Variants in CCNJL observed in about 807,000 individuals in gnomAD.
CCNJL encodes the protein cyclin J like, also known as cyclin-J-like protein.
CCNJL carries 33 observed loss-of-function variants against 33.4 expected under a neutral mutation model. The ratio of observed to expected loss-of-function variants is 0.99; its 90% CI spans 0.75 to 1.32. The LOEUF (loss-of-function observed/expected upper bound fraction) is 1.32. Ranked by LOEUF, CCNJL falls within the 40% of genes most tolerant of loss-of-function variation. The pLI, the probability that CCNJL is intolerant of heterozygous loss-of-function variation, is 0.00. For synonymous variants in CCNJL, 227 were observed against 220.9 expected (o/e 1.03, Z -0.24); for missense variants, 512 against 499.7 (o/e 1.02, Z -0.23).
At chr5:160,327,872 A>G (rs1250883175) in intron 1 of CCNJL, among the ~76,000 whole-genome samples, 2 of 151,340 alleles carry the variant, frequency 1.3e-5, no homozygotes, top group East Asian at 1.9e-4. Context: ...CAAATTGTAA[A>G]CAAACAAAAA....
chr5:160,259,562 G>A lies in CCNJL; in HGVS notation c.490C>T (p.His164Tyr), dbSNP rs769172205. The change falls in exon 4 of 6, where the codon CAC becomes TAC. Residue 164 changes from histidine (H) to tyrosine (Y), a missense_variant. Coordinates refer to ENST00000257536, the MANE Select transcript of CCNJL (RefSeq NM_001308173.3). ...GTGGTGGGCCAGGTGTGGCAGTGGT[G>A]GTCCTTCTGGCTGACGGAGGCCAAG... ...YLLASVSQKD[H>Y]HCHTWPTTCP... 5 of 1,614,140 alleles carry A rather than the reference G, an allele frequency of 3.1e-6. No homozygotes were observed. Among genetic ancestry groups the A allele is most frequent in the African/African-American group, 2.7e-5 (2 of 75,052 alleles).
rs1760822499 is a variant in CCNJL, at chr5:160,251,929, G to A, written c.*1449C>T. On this transcript the variant is annotated 3_prime_UTR_variant, in exon 6 of 6. Coordinates refer to ENST00000257536, the MANE Select transcript of CCNJL (RefSeq NM_001308173.3). ...TGTCTCCATGCTGAGATTTTCAGCT[G>A]CTCTGGAAAGATTCACCACCTTCCG... The A allele has an allele frequency of 6.6e-6, 1 of 152,234 alleles. No homozygotes were observed. The highest frequency in any genetic ancestry group is 2.4e-5 in the African/African-American group (1 of 41,442). The allele number at this position is 152,234 out of a possible 1,614,324, so 9.4% of individuals were successfully genotyped here.
chr5:160,297,654 C>CAAAAAA (rs59634260), intron 2 of CCNJL, among the ~76,000 whole-genome samples: 3 of 107,610 alleles, frequency 2.8e-5, no homozygotes, highest in Non-Finnish European at 4.0e-5. Flanking sequence ...TCTCTATTTA[C>CAAAAAA]AAAAAAAAAA....
At chr5:160,257,031 TCAGGGTGCTAA>T (rs200065121) in intron 4 of CCNJL, among the ~76,000 whole-genome samples, 2,212 of 152,146 alleles carry the variant, frequency 0.015, 45 homozygotes, top group African/African-American at 0.05. Flanking sequence ...AAAGTATCAG[TCAGGGTGCTAA>T]CAGGGTGATA....
intron 1 of CCNJL, among the ~76,000 whole-genome samples, chr5:160,319,957 C>T (rs987356032): frequency 6.0e-5 from 9 of 150,542 alleles, no homozygotes; most frequent in Middle Eastern, 3.4e-3. Flanking sequence ...AATAAATAAA[C>T]GATGGATAAC....
chr5:160,286,953 T>G (rs1230162254), intron 2 of CCNJL, among the ~76,000 whole-genome samples: 1 of 152,182 alleles, frequency 6.6e-6, no homozygotes, highest in Non-Finnish European at 1.5e-5. Context: ...CTGGCACAGA[T>G]GCAGACATTC....
chr5:160,261,479 C>T (rs1175255376), intron 3 of CCNJL: 1 of 152,296 alleles, frequency 6.6e-6, no homozygotes, highest in Non-Finnish European at 1.5e-5. Flanking sequence ...GAAGTACACA[C>T]TTTCTTGTCT....
rs370581301 is a variant in CCNJL, at chr5:160,311,506, T to G, written c.66+352A>C. 3.3e-5 allele frequency among the ~76,000 whole-genome samples: 5 copies of G among 152,228 alleles called. No individual in the cohort carries two copies. In the East Asian group the frequency reaches 7.7e-4, roughly 24 times the overall value. On this transcript the variant is annotated intron_variant, in intron 2 of 5. Transcript: ENST00000257536. Reference sequence around the variant, plus strand: ...TACATACACATTCTTAAATTACACATTAGAATGAATACACAATATTTTTTA... The same window carrying G: ...TACATACACATTCTTAAATTACACAGTAGAATGAATACACAATATTTTTTA...
chr5:160,268,495 C>A (rs962191831), intron 3 of CCNJL, among the ~76,000 whole-genome samples: 2 of 152,206 alleles, frequency 1.3e-5, no homozygotes, highest in African/African-American at 2.4e-5. Context: ...CAATTCAGAG[C>A]CAGCCCTGTA....
At chr5:160,314,409 T>TG (rs1472867885), upstream of CCNJL, among the ~76,000 whole-genome samples, 1 of 152,136 alleles carries the variant, frequency 6.6e-6, no homozygotes, top group East Asian at 1.9e-4. Context: ...TAAATTAGGT[T>TG]GGGGGAAAAA....
intron 1 of CCNJL, among the ~76,000 whole-genome samples, chr5:160,318,477 C>T (rs1257673557): frequency 6.6e-6 from 1 of 152,222 alleles, no homozygotes; most frequent in Non-Finnish European, 1.5e-5. Flanking sequence ...TGTGGAGGTA[C>T]ACCATTCAAT....
chr5:160,288,809 C>T (rs561989610), intron 2 of CCNJL, among the ~76,000 whole-genome samples: 36 of 129,476 alleles, frequency 2.8e-4, no homozygotes, highest in African/African-American at 8.5e-4. Flanking sequence ...CCAGCCTGGG[C>T]GACAGAGCGA....
At chr5:160,260,368 C>T (rs1039372116) in intron 3 of CCNJL, among the ~76,000 whole-genome samples, 4 of 152,086 alleles carry the variant, frequency 2.6e-5, no homozygotes, top group African/African-American at 9.7e-5. Flanking sequence ...CAGGAAAGAT[C>T]GGTAGGTGGG....
intron 5 of CCNJL, 86 bp from the exon 6 acceptor site, chr5:160,253,884 C>T: frequency 9.2e-7 from 1 of 1,085,710 alleles, no homozygotes; most frequent in Non-Finnish European, 1.3e-6. Flanking sequence ...CTAAGTGGGA[C>T]TGGAAGAGAT....
At chr5:160,308,923 G>C (rs911869051) in intron 2 of CCNJL, among the ~76,000 whole-genome samples, 1 of 152,200 alleles carries the variant, frequency 6.6e-6, no homozygotes, top group Non-Finnish European at 1.5e-5. Context: ...AATCCAAATA[G>C]AGGAAAGAGC....
At chr5:160,270,092 C>T (rs1208708411) in intron 3 of CCNJL, among the ~76,000 whole-genome samples, 2 of 152,026 alleles carry the variant, frequency 1.3e-5, no homozygotes, top group Non-Finnish European at 2.9e-5. Context: ...TGGTGGACTG[C>T]TTGAGCACAC....
chr5:160,295,370 T>C (rs1762721041), intron 2 of CCNJL, among the ~76,000 whole-genome samples: 1 of 152,114 alleles, frequency 6.6e-6, no homozygotes. Flanking sequence ...ACACCCGTAG[T>C]CCCAGCTACT....
chr5:160,275,085 G>GTGT (rs1554119623), intron 3 of CCNJL, among the ~76,000 whole-genome samples: 3 of 113,070 alleles, frequency 2.7e-5, no homozygotes, highest in African/African-American at 1.1e-4. Flanking sequence ...GGATTTGTGT[G>GTGT]TTTTTTTTTT....
chr5:160,259,229 T>C (rs563286065), intron 4 of CCNJL, among the ~76,000 whole-genome samples: 1 of 152,360 alleles, frequency 6.6e-6, no homozygotes, highest in Admixed American at 6.5e-5. Context: ...TACCAGTTGA[T>C]CTGTAAGTTT....
Sources: allele counts gnomAD v4.1 joint callset (sites outside exome capture counted in the v4.1 genomes callset), GRCh38; gene constraint gnomAD v4.1.1; transcripts MANE v1.5; gene names NCBI Gene and HGNC (gene_info 2026-07-23, HGNC 2026-07-21).